The following PHF20 variants were observed in gnomAD, a reference collection of about 807,000 sequenced individuals.
PHF20 encodes PHD finger protein 20, also known as glioma-expressed antigen 2.
PHF20 carries 23 observed loss-of-function variants against 113.5 expected under a neutral mutation model. The observed-to-expected ratio is 0.20, with a 90% CI of 0.15 to 0.29. PHF20 has a LOEUF of 0.29. Ranked by LOEUF, PHF20 falls within the 10% of genes least tolerant of loss-of-function variation. The pLI, the probability that PHF20 is intolerant of heterozygous loss-of-function variation, is 1.00. For synonymous variants in PHF20, 434 were observed against 457.3 expected, an observed-to-expected ratio of 0.95 and a Z score of 0.65; for missense variants, 943 against 1,219.6, an observed-to-expected ratio of 0.77 and a Z score of 3.38.
intron 2 of PHF20, among the ~76,000 whole-genome samples, chr20:35,810,164 A>C (rs1186595397): frequency 1.3e-5 from 2 of 152,080 alleles, no homozygotes; most frequent in Non-Finnish European, 2.9e-5. Context: ...TCGTGACCTC[A>C]GGTGATCTGC....
intron 2 of PHF20, among the ~76,000 whole-genome samples, chr20:35,836,660 C>T (rs919663835): frequency 1.4e-4 from 22 of 151,762 alleles, no homozygotes; most frequent in Non-Finnish European, 2.1e-4. Context: ...CTGGCTAACA[C>T]GGTGAAACCC....
At chr20:35,810,041 T>G (rs1246027842) in intron 2 of PHF20, among the ~76,000 whole-genome samples, 2 of 152,112 alleles carry the variant, frequency 1.3e-5, no homozygotes, top group Non-Finnish European at 2.9e-5. Context: ...GCGATTCTTC[T>G]GCTTCAGCCT....
chr20:35,808,733 T>A (rs1037300022), intron 2 of PHF20, among the ~76,000 whole-genome samples: 3 of 151,528 alleles, frequency 2.0e-5, no homozygotes, highest in Non-Finnish European at 4.4e-5. Flanking sequence ...CCACCACGCC[T>A]GGCTAATTTT....
chr20:35,791,537 G>GTATATATATATATATATATA (rs59752864), intron 1 of PHF20, among the ~76,000 whole-genome samples: 1 of 127,232 alleles, frequency 7.9e-6, no homozygotes, highest in African/African-American at 3.0e-5. Context: ...TTAGAATAGT[G>GTATATATATATATATATATA]TATATATATA....
At chr20:35,777,709 A>G (rs954165319) in intron 1 of PHF20, among the ~76,000 whole-genome samples, 2 of 152,164 alleles carry the variant, frequency 1.3e-5, no homozygotes, top group Non-Finnish European at 2.9e-5. Context: ...TTGTAGTCCC[A>G]GCTCCTTGGG....
chr20:35,913,424 C>G, intron 11 of PHF20, 77 bp downstream of exon 11: 1 of 988,932 alleles, frequency 1.0e-6, no homozygotes, highest in Non-Finnish European at 1.6e-6. Context: ...CCATTATGGC[C>G]TCTGGGCCTG....
chr20:35,931,947 G>A lies in PHF20; in HGVS notation c.2300+503G>A, dbSNP rs113661155. 4.8e-4 allele frequency among the ~76,000 whole-genome samples: 72 copies of A among 150,618 alleles called. 1 individual carries two copies. Among genetic ancestry groups the A allele is most frequent in the African/African-American group, 1.6e-3 (65 of 41,080 alleles). ...GCCTGGGCAATAAGAGCGAAACTCC[G>A]TCTCAAAAAAAAAAAGAGTTCATTG... On this transcript the variant is annotated intron_variant, in intron 15 of 17. Coordinates refer to ENST00000374012, the MANE Select transcript of PHF20 (RefSeq NM_016436.5).
At chr20:35,822,710 C>T (rs1213130064) in intron 2 of PHF20, among the ~76,000 whole-genome samples, 1 of 149,664 alleles carries the variant, frequency 6.7e-6, no homozygotes, top group Non-Finnish European at 1.5e-5. Context: ...GGGTGGCTTG[C>T]ACCTGTAGTC....
At chr20:35,832,324 C>G (rs1486195140) in intron 2 of PHF20, among the ~76,000 whole-genome samples, 1 of 152,142 alleles carries the variant, frequency 6.6e-6, no homozygotes, top group African/African-American at 2.4e-5. Flanking sequence ...TGTTGTTGCA[C>G]CTGGTATACT....
chr20:35,816,506 A>G (rs1042239665), intron 2 of PHF20, among the ~76,000 whole-genome samples: 3 of 150,340 alleles, frequency 2.0e-5, no homozygotes, highest in African/African-American at 7.3e-5. Context: ...CTGGAGTGCA[A>G]TGGCGCAATC....
chr20:35,836,670 C>T (rs931103201), intron 2 of PHF20, among the ~76,000 whole-genome samples: 16 of 151,854 alleles, frequency 1.1e-4, no homozygotes, highest in South Asian at 2.1e-4. Flanking sequence ...CGGTGAAACC[C>T]CATTTCTACT....
chr20:35,922,640 C>A (rs1369647193), intron 13 of PHF20, among the ~76,000 whole-genome samples: 1 of 152,108 alleles, frequency 6.6e-6, no homozygotes, highest in Non-Finnish European at 1.5e-5. Flanking sequence ...ATCTGGCTAC[C>A]ACATAAAAAT....
chr20:35,847,449 T>C lies in PHF20; in HGVS notation c.340+15T>C, dbSNP rs2042644138. The C allele has an allele frequency of 1.3e-6, 2 of 1,570,256 alleles. No homozygotes were observed. The highest frequency in any genetic ancestry group is 1.8e-6 in the Non-Finnish European group (2 of 1,142,330). On this transcript the variant is annotated intron_variant, in intron 4 of 17. Coordinates refer to ENST00000374012, the MANE Select transcript of PHF20 (RefSeq NM_016436.5). ...TAACAAGGATGGTAAGGCATTTGAGTTGTAGTTGTTTTTACTCATGACTTA... is the reference window on the plus strand; with the variant it reads ...TAACAAGGATGGTAAGGCATTTGAGCTGTAGTTGTTTTTACTCATGACTTA...
intron 4 of PHF20, among the ~76,000 whole-genome samples, chr20:35,857,629 G>A (rs192299283): frequency 7.2e-6 from 1 of 138,306 alleles, no homozygotes; most frequent in East Asian, 2.1e-4. Flanking sequence ...TGCCTAGCCT[G>A]GAGTGGAGTG....
At chr20:35,945,186 T>C (rs924161421) in intron 17 of PHF20, among the ~76,000 whole-genome samples, 5 of 152,160 alleles carry the variant, frequency 3.3e-5, no homozygotes, top group Non-Finnish European at 7.3e-5. Context: ...GGTAGGGCGC[T>C]TTGCTGGACC....
At chr20:35,941,194 C>T (rs370266408) in intron 17 of PHF20, 147 bp downstream of exon 17, 146 of 610,750 alleles carry the variant, frequency 2.4e-4, no homozygotes, top group African/African-American at 2.3e-3. Flanking sequence ...CCTCCATTCT[C>T]CCCTCAGGAT....
intron 2 of PHF20, among the ~76,000 whole-genome samples, chr20:35,821,247 G>A (rs113760088): frequency 0.05 from 7,551 of 151,894 alleles, 275 homozygotes; most frequent in South Asian, 0.2. Flanking sequence ...CCAGGAGTTT[G>A]AGACCAGCCT....
At chr20:35,870,243 G>C (rs2054394869) in intron 7 of PHF20, among the ~76,000 whole-genome samples, 1 of 148,538 alleles carries the variant, frequency 6.7e-6, no homozygotes, top group Non-Finnish European at 1.5e-5. Context: ...GGCGGAGCTA[G>C]CAGTGAGCCG....
At chr20:35,820,445 CTTTTTTT>C (rs369532387) in intron 2 of PHF20, among the ~76,000 whole-genome samples, 7 of 129,626 alleles carry the variant, frequency 5.4e-5, no homozygotes, top group African/African-American at 1.7e-4. Context: ...GGAATAAGTA[CTTTTTTT>C]TTTTTTTTTT....
Sources: allele counts gnomAD v4.1 joint callset (sites outside exome capture counted in the v4.1 genomes callset), GRCh38; gene constraint gnomAD v4.1.1; transcripts MANE v1.5; gene names NCBI Gene and HGNC (gene_info 2026-07-23, HGNC 2026-07-21).